The following MYOM3 variants were observed in gnomAD, a reference collection of about 807,000 sequenced individuals.
MYOM3 encodes myomesin-3.
MYOM3 carries 155 observed loss-of-function variants against 191.7 expected under a neutral mutation model. The ratio of observed to expected loss-of-function variants is 0.81; its 90% CI spans 0.71 to 0.92. MYOM3 has a LOEUF of 0.92. Among genes scored for constraint, MYOM3 ranks in the 40% least tolerant of loss-of-function variants. MYOM3 has a pLI of 0.00. For synonymous variants in MYOM3, 757 were observed against 762.9 expected (o/e 0.99, Z 0.13); for missense variants, 1,889 against 1,890.6 (o/e 1.00, Z 0.02).
chr1:24,072,518 C>T (rs761474886), intron 23 of MYOM3, among the ~76,000 whole-genome samples: 1 of 151,806 alleles, frequency 6.6e-6, no homozygotes, highest in Non-Finnish European at 1.5e-5. Flanking sequence ...ATTTGCTGAC[C>T]GTTTCTTCTT....
intron 12 of MYOM3, among the ~76,000 whole-genome samples, chr1:24,090,465 C>T (rs887006187): frequency 1.8e-4 from 28 of 152,184 alleles, no homozygotes; most frequent in African/African-American, 4.3e-4. Context: ...TCCCCGCACT[C>T]GAGCTTAAGG....
chr1:24,066,893 G>T, intron 28 of MYOM3, 128 bp downstream of exon 28: 3 of 830,610 alleles, frequency 3.6e-6, no homozygotes, highest in Non-Finnish European at 5.5e-6. Flanking sequence ...TACTTTCTGT[G>T]TGTGCGATCA....
chr1:24,061,049 G>C lies in MYOM3; in HGVS notation c.3994+11C>G. 6.2e-7 allele frequency: 1 copy of C among 1,613,804 alleles called. No individual in the cohort carries two copies. Among genetic ancestry groups the C allele is most frequent in the East Asian group, 2.2e-5 (1 of 44,870 alleles). ...CAGAAACAAAAACAACAGAAATATC[G>C]GCCGACTTACTCTTCTCGATGATGG... On this transcript the variant is annotated intron_variant, in intron 35 of 36. Transcript: ENST00000374434.
chr1:24,061,606 G>T (rs536498933), intron 33 of MYOM3, among the ~76,000 whole-genome samples: 31 of 152,026 alleles, frequency 2.0e-4, no homozygotes, highest in African/African-American at 6.5e-4. Flanking sequence ...TTGAGACAGG[G>T]TCTCACTCTG....
intron 28 of MYOM3, chr1:24,066,242 C>A (rs1193196506): frequency 1.4e-6 from 1 of 717,196 alleles, no homozygotes; most frequent in South Asian, 1.5e-5. Flanking sequence ...CTCCAGGAAG[C>A]CTTTTTTTTG....
intron 34 of MYOM3, 42 bp downstream of exon 34, chr1:24,061,231 A>C: frequency 6.2e-7 from 1 of 1,612,992 alleles, no homozygotes; most frequent in East Asian, 2.2e-5. Context: ...CACACCCTGA[A>C]GGGGCCTATA....
At chr1:24,102,215 T>C (rs2148560505) in intron 5 of MYOM3, among the ~76,000 whole-genome samples, 1 of 152,274 alleles carries the variant, frequency 6.6e-6, no homozygotes, top group Non-Finnish European at 1.5e-5. Context: ...CGCCCCACCA[T>C]GCAGCCCCCA....
At chr1:24,076,104 C>A in intron 21 of MYOM3, 55 bp downstream of exon 21, 2 of 1,407,822 alleles carry the variant, frequency 1.4e-6, no homozygotes, top group Non-Finnish European at 2.0e-6. Flanking sequence ...GAACTCCACC[C>A]GTCCCCAGTG....
At position 24,063,277 on chromosome 1, in the gene MYOM3, T is replaced by G. The variant is rs375728211; in HGVS notation, c.3662-43A>C. 6 of 1,545,004 alleles carry G rather than the reference T, an allele frequency of 3.9e-6. No individual in the cohort carries two copies. In the African/African-American group the frequency reaches 6.8e-5, roughly 18 times the overall value. ...AAGGATGAATCTTCCCTGAGGCCAT[T>G]TAGGCATCAGATTTTGGGGCCGGCT... On this transcript the variant is annotated intron_variant, in intron 31 of 36. Coordinates refer to ENST00000374434, the MANE Select transcript of MYOM3 (RefSeq NM_152372.4). This position sits in a 1 kb window ranked among gnomAD's most constrained non-coding sequence, Gnocchi z 4.5.
At chr1:24,076,915 C>T (rs889811329) in intron 20 of MYOM3, among the ~76,000 whole-genome samples, 10 of 151,140 alleles carry the variant, frequency 6.6e-5, no homozygotes, top group South Asian at 2.1e-4. Flanking sequence ...TCTGCTTCTC[C>T]GGTTCAAGTG....
intron 6 of MYOM3, 74 bp downstream of exon 6, chr1:24,099,606 G>T: frequency 8.4e-7 from 1 of 1,193,296 alleles, no homozygotes; most frequent in Non-Finnish European, 1.3e-6. Context: ...TCCGAGGAAG[G>T]GTTTGGGATC....
At chr1:24,101,719 T>TAC (rs1643936619) in intron 5 of MYOM3, among the ~76,000 whole-genome samples, 1 of 152,202 alleles carries the variant, frequency 6.6e-6, no homozygotes, top group East Asian at 1.9e-4. Context: ...GCCACTGCAC[T>TAC]ACAGCCTGGG....
chr1:24,074,982 C>T lies in MYOM3; in HGVS notation c.2858+337G>A, dbSNP rs113490169. ...TGCCAAGCTACTCAGGAGGCTGAGG[C>T]GGGAGGATCACTTGCTCTTGGGAGG... is the stretch of plus-strand genomic sequence containing the variant. On this transcript the variant is annotated intron_variant, in intron 22 of 36. Transcript: ENST00000374434. Among the ~76,000 whole-genome samples, 1,313 of 152,030 alleles carry T rather than the reference C, an allele frequency of 8.6e-3. 13 individuals are homozygous for T. The highest frequency in any genetic ancestry group is 0.031 in the Middle Eastern group (9 of 294).
In MYOM3 at chr1:24,111,389, G is replaced by A. The variant is rs991739352; in HGVS notation, c.-19+642C>T. Among the ~76,000 whole-genome samples the A allele has an allele frequency of 2.6e-5, 4 of 152,252 alleles. No individual in the cohort carries two copies. The highest frequency in any genetic ancestry group is 5.9e-5 in the Non-Finnish European group (4 of 68,048). The stretch of plus-strand genomic sequence containing the variant: ...CCAGGAGCTGCGATGGGGGCGGATG[G>A]TGGCTGGGAGCAGAGACACATCCTG... On this transcript the variant is annotated intron_variant, in intron 1 of 36. Coordinates refer to ENST00000374434, the MANE Select transcript of MYOM3 (RefSeq NM_152372.4). This position sits in a 1 kb window ranked among gnomAD's most constrained non-coding sequence, Gnocchi z 4.7.
At chr1:24,093,195 C>G in intron 9 of MYOM3, 87 bp from the exon 10 acceptor site, 1 of 834,994 alleles carries the variant, frequency 1.2e-6, no homozygotes, top group Non-Finnish European at 2.0e-6. Flanking sequence ...TCTGGAGACC[C>G]TGGCTGGGCA....
At chr1:24,089,152 A>G (rs1258343455) in intron 14 of MYOM3, among the ~76,000 whole-genome samples, 1 of 152,060 alleles carries the variant, frequency 6.6e-6, no homozygotes, top group African/African-American at 2.4e-5. Context: ...CCCTGGCTGG[A>G]GGGTACCAGC....
In MYOM3 at chr1:24,063,251, G is replaced by A; in HGVS notation, c.3662-17C>T. 6.2e-7 allele frequency: 1 copy of A among 1,602,042 alleles called. No individual in the cohort carries two copies. Among genetic ancestry groups the A allele is most frequent in the Non-Finnish European group, 8.6e-7 (1 of 1,169,156 alleles). On this transcript the variant is annotated splice_polypyrimidine_tract_variant and intron_variant, in intron 31 of 36. Coordinates refer to ENST00000374434, the MANE Select transcript of MYOM3 (RefSeq NM_152372.4). The surrounding 1 kb of genome is among the most constrained non-coding windows in gnomAD (Gnocchi z 4.5). The stretch of plus-strand genomic sequence containing the variant: ...CAGAGAGGGCTGGGGAGACAGAGGA[G>A]AAGGATGAATCTTCCCTGAGGCCAT...
chr1:24,101,658 A>G (rs1177718756), intron 5 of MYOM3, among the ~76,000 whole-genome samples: 2 of 152,130 alleles, frequency 1.3e-5, no homozygotes, highest in Admixed American at 1.3e-4. Flanking sequence ...AGGCTGAGGC[A>G]GGAGGACTGC....
intron 24 of MYOM3, among the ~76,000 whole-genome samples, 154 bp downstream of exon 24, chr1:24,071,815 C>A (rs530861656): frequency 6.6e-6 from 1 of 152,198 alleles, no homozygotes; most frequent in Non-Finnish European, 1.5e-5. Context: ...GTGAGCTTCC[C>A]GAGTGGTCCC....
Sources: gnomAD v4.1 joint callset for allele counts (sites outside exome capture counted in the v4.1 genomes callset) on GRCh38, gnomAD v4.1.1 for gene constraint, Gnocchi (gnomAD v3.1) non-coding constraint, MANE v1.5 for transcripts, NCBI Gene and HGNC (gene_info 2026-07-23, HGNC 2026-07-21) for gene names.